Variants in RAPGEF5 observed in about 807,000 individuals in gnomAD.
RAPGEF5 encodes the protein M-Ras-regulated GEF.
Under a neutral mutation model 125.2 loss-of-function variants are expected in RAPGEF5, and 65 were observed. That is an observed-to-expected ratio of 0.52 (90% CI 0.43 to 0.64). RAPGEF5 has a LOEUF of 0.64. RAPGEF5 is among the 30% of genes least tolerant of loss of function. The pLI, the probability that RAPGEF5 is intolerant of heterozygous loss-of-function variation, is 0.00. For synonymous variants in RAPGEF5, 391 were observed against 385.9 expected, an observed-to-expected ratio of 1.01 and a Z score of -0.16; for missense variants, 958 against 1,048.1, an observed-to-expected ratio of 0.91 and a Z score of 1.19.
At chr7:22,342,105 A>G (rs1316750920) in intron 1 of RAPGEF5, among the ~76,000 whole-genome samples, 3 of 152,240 alleles carry the variant, frequency 2.0e-5, no homozygotes, top group African/African-American at 4.8e-5. Flanking sequence ...TCTAAAATCT[A>G]GGCAGAGGTT....
chr7:22,208,039 C>T (rs1785434535), intron 9 of RAPGEF5, among the ~76,000 whole-genome samples: 1 of 152,114 alleles, frequency 6.6e-6, no homozygotes, highest in Admixed American at 6.5e-5. Flanking sequence ...TTTTGCCCTT[C>T]TTCTTTACTG....
chr7:22,279,429 A>G (rs1352295348), intron 6 of RAPGEF5, among the ~76,000 whole-genome samples: 1 of 152,194 alleles, frequency 6.6e-6, no homozygotes, highest in African/African-American at 2.4e-5. Flanking sequence ...ATCTACTAAG[A>G]TATAATATAT....
Position 22,191,215 on chromosome 7 carries a change from T to G in RAPGEF5, c.1204+2152A>C, listed in dbSNP as rs10271002. 5.3e-3 allele frequency among the ~76,000 whole-genome samples: 800 copies of G among 152,308 alleles called. 7 individuals are homozygous for G. Among genetic ancestry groups the G allele is most frequent in the African/African-American group, 0.018 (768 of 41,576 alleles). ...TTTTCTTCAATTTGCACATGACATT[T>G]ATTTTATATTTATTATATTTCTTAT... On this transcript the variant is annotated intron_variant, in intron 11 of 25. Transcript: ENST00000665637.
chr7:22,140,076 A>G lies in RAPGEF5; in HGVS notation c.2226T>C (p.Ile742=). Residue 742 remains isoleucine (I), a synonymous_variant, in exon 21 of 26, where the codon ATT becomes ATC. Coordinates refer to ENST00000665637, the MANE Select transcript of RAPGEF5 (RefSeq NM_012294.5). ...CAGAAGCAGTGTTGAGACCCATCAC[A>G]ATGGCAAAGAAAGAATTCAGGTTTC... The part of the protein sequence containing the change: ...AQRNLNSFFA[I]VMGLNTASVS... 8 of 1,565,786 alleles carry G rather than the reference A, an allele frequency of 5.1e-6. No individual in the cohort carries two copies. Among genetic ancestry groups the G allele is most frequent in the Non-Finnish European group, 6.9e-6 (8 of 1,154,804 alleles).
chr7:22,309,071 AAATGTC>A (rs1287394347), intron 4 of RAPGEF5, among the ~76,000 whole-genome samples: 4 of 152,214 alleles, frequency 2.6e-5, no homozygotes, highest in Admixed American at 1.3e-4. Flanking sequence ...TATCTAACCC[AAATGTC>A]AATACTACCA....
At chr7:22,138,031 ACACG>A (rs989398986) in intron 21 of RAPGEF5, among the ~76,000 whole-genome samples, 108 of 132,192 alleles carry the variant, frequency 8.2e-4, no homozygotes, top group African/African-American at 2.5e-3. Context: ...ACACACACAC[ACACG>A]CACGCACGCA....
At chr7:22,252,490 A>G (rs954162371) in intron 7 of RAPGEF5, among the ~76,000 whole-genome samples, 3 of 152,188 alleles carry the variant, frequency 2.0e-5, no homozygotes, top group African/African-American at 7.2e-5. Flanking sequence ...AATCTGTTTC[A>G]TTTACTATCT....
intron 25 of RAPGEF5, among the ~76,000 whole-genome samples, chr7:22,124,375 T>C (rs1477263926): frequency 6.6e-6 from 1 of 152,234 alleles, no homozygotes; most frequent in African/African-American, 2.4e-5. Flanking sequence ...TGTAACTGCA[T>C]TGCGCTTGTA....
At chr7:22,217,883 C>T (rs1785679188) in intron 9 of RAPGEF5, among the ~76,000 whole-genome samples, 1 of 152,116 alleles carries the variant, frequency 6.6e-6, no homozygotes. Context: ...GAGCAGATAA[C>T]CAGAGCAAAG....
chr7:22,160,402 G>A, intron 14 of RAPGEF5, 116 bp downstream of exon 14: 1 of 964,384 alleles, frequency 1.0e-6, no homozygotes. Context: ...AAGGCATCAA[G>A]ATGAATCTGA....
intron 16 of RAPGEF5, among the ~76,000 whole-genome samples, chr7:22,156,523 C>T (rs76898362): frequency 0.024 from 3,589 of 152,270 alleles, 54 homozygotes; most frequent in Middle Eastern, 0.065. Context: ...CTGAGTCTCC[C>T]GTTCATTTTT....
chr7:22,150,076 T>C (rs1295278956), intron 18 of RAPGEF5, among the ~76,000 whole-genome samples: 2 of 1,826 alleles, frequency 1.1e-3, no homozygotes, highest in East Asian at 0.042. Flanking sequence ...GTGTGTTCCT[T>C]TTTTTTTTTT....
intron 12 of RAPGEF5, among the ~76,000 whole-genome samples, chr7:22,163,477 A>G (rs974896604): frequency 6.6e-6 from 1 of 152,214 alleles, no homozygotes; most frequent in Non-Finnish European, 1.5e-5. Flanking sequence ...TATTTATATG[A>G]TTAATGTCAC....
At chr7:22,244,027 C>T (rs544338344) in intron 7 of RAPGEF5, among the ~76,000 whole-genome samples, 49 of 152,246 alleles carry the variant, frequency 3.2e-4, no homozygotes, top group Admixed American at 1.3e-3. Flanking sequence ...GGTTCCCACA[C>T]GTAAGTGAGA....
chr7:22,276,183 T>A (rs571646209), intron 6 of RAPGEF5, among the ~76,000 whole-genome samples: 11 of 152,348 alleles, frequency 7.2e-5, no homozygotes, highest in African/African-American at 2.6e-4. Context: ...ATAATTAAAA[T>A]TTTAATTTTT....
intron 1 of RAPGEF5, among the ~76,000 whole-genome samples, chr7:22,321,271 C>T (rs1453911947): frequency 6.6e-6 from 1 of 151,960 alleles, no homozygotes; most frequent in Non-Finnish European, 1.5e-5. Flanking sequence ...AATGGAGTAA[C>T]TCCAGAAATA....
intron 10 of RAPGEF5, 98 bp downstream of exon 10, chr7:22,193,817 G>C: frequency 6.2e-7 from 1 of 1,611,532 alleles, no homozygotes; most frequent in Non-Finnish European, 8.5e-7. Flanking sequence ...GGAGGGTAGA[G>C]GAGGCAGAGA....
intron 10 of RAPGEF5, 52 bp downstream of exon 10, chr7:22,193,863 A>AG: frequency 6.2e-7 from 1 of 1,611,766 alleles, no homozygotes; most frequent in Non-Finnish European, 8.5e-7. Flanking sequence ...GAAGGCAGGC[A>AG]GGGAAAAGGA....
intron 1 of RAPGEF5, among the ~76,000 whole-genome samples, chr7:22,321,733 T>C (rs902867173): frequency 4.6e-5 from 7 of 152,186 alleles, no homozygotes; most frequent in Non-Finnish European, 8.8e-5. Context: ...AATATGAAGA[T>C]GAAACAATGG....
Sources: allele counts gnomAD v4.1 joint callset (sites outside exome capture counted in the v4.1 genomes callset), GRCh38; gene constraint gnomAD v4.1.1; transcripts MANE v1.5; gene names NCBI Gene and HGNC (gene_info 2026-07-23, HGNC 2026-07-21).